Variants in HOOK1 observed in about 807,000 individuals in gnomAD.
HOOK1 encodes hook microtubule tethering protein 1.
Under a neutral mutation model 112.8 loss-of-function variants are expected in HOOK1, and 60 were observed. The observed-to-expected ratio is 0.53, with a 90% CI of 0.43 to 0.66. The LOEUF (loss-of-function observed/expected upper bound fraction) is 0.66, where lower values mean the gene tolerates loss of function less well. HOOK1 is among the 30% of genes least tolerant of loss of function. HOOK1 has a pLI of 0.00. For missense variants in HOOK1, 770 were observed against 856.0 expected (o/e 0.90, Z 1.25); for synonymous variants, 294 against 283.8 (o/e 1.04, Z -0.36).
chr1:59,847,135 T>C lies in HOOK1; in HGVS notation c.879T>C (p.Thr293=). The C allele has an allele frequency of 2.5e-6, 4 of 1,607,848 alleles. No homozygotes were observed. Among genetic ancestry groups the C allele is most frequent in the African/African-American group, 2.7e-5 (2 of 74,670 alleles). ...TCCAGCATAGGAATGATGAATTGACTAGTCTTGCAGAAGAAACAAGAGCCC... is the reference window on the plus strand; with the variant it reads ...TCCAGCATAGGAATGATGAATTGACCAGTCTTGCAGAAGAAACAAGAGCCC... ...IEFQHRNDEL[T]SLAEETRALK... The change falls in exon 10 of 22, where the codon ACT becomes ACC. Residue 293 remains threonine (T), a synonymous_variant. Coordinates refer to ENST00000371208, the MANE Select transcript of HOOK1 (RefSeq NM_015888.6).
At position 59,875,797 on chromosome 1, in the gene HOOK1, T is replaced by G. The variant is rs1644120256; in HGVS notation, c.*2832T>G. 6.6e-6 allele frequency: 1 copy of G among 152,242 alleles called. No individual in the cohort carries two copies. The highest frequency in any genetic ancestry group is 2.4e-5 in the African/African-American group (1 of 41,460). The allele number at this position is 152,242 out of a possible 1,614,324, so 9.4% of individuals were successfully genotyped here. On this transcript the variant is annotated 3_prime_UTR_variant, in exon 22 of 22. Transcript: ENST00000371208. ...GTATTGAGGAAAATTTGAAGTTTAT[T>G]TTTTCGATGAATAAGGCTGTCAAAT... is the stretch of plus-strand genomic sequence containing the variant.
chr1:59,858,909 G>A (rs1220937274), intron 13 of HOOK1, 76 bp from the exon 14 acceptor site: 2 of 668,204 alleles, frequency 3.0e-6, no homozygotes, highest in Non-Finnish European at 4.9e-6. Flanking sequence ...CAAAGAGAGG[G>A]AGGGGGGGAA....
intron 17 of HOOK1, chr1:59,864,935 T>G: frequency 1.8e-6 from 1 of 567,398 alleles, no homozygotes; most frequent in Non-Finnish European, 3.2e-6. Context: ...ATGTTAAACC[T>G]ATAAAATATT....
chr1:59,835,518 G>T, intron 6 of HOOK1, 106 bp downstream of exon 6: 1 of 692,388 alleles, frequency 1.4e-6, no homozygotes, highest in Non-Finnish European at 2.5e-6. Context: ...TTTGTTGTAA[G>T]TTTACTTCCC....
At chr1:59,860,647 T>C (rs1168280946) in intron 15 of HOOK1, among the ~76,000 whole-genome samples, 1 of 152,012 alleles carries the variant, frequency 6.6e-6, no homozygotes, top group East Asian at 1.9e-4. Flanking sequence ...TACAGTGGCG[T>C]GATCTTTGCT....
In HOOK1 at chr1:59,874,515, T is replaced by C. The variant is rs2102083783; in HGVS notation, c.*1550T>C. On this transcript the variant is annotated 3_prime_UTR_variant, in exon 22 of 22. Transcript: ENST00000371208. ...AGACCAGGGGTCTGCAAACTTTCTG[T>C]GAATGGACAAAGAGTAAATACTTTA... 6.6e-6 allele frequency: 1 copy of C among 152,284 alleles called. No individual in the cohort carries two copies. The highest frequency in any genetic ancestry group is 6.5e-5 in the Admixed American group (1 of 15,300). 9.4% of individuals were successfully genotyped at this position (152,284 alleles called of 1,614,324 possible).
chr1:59,838,378 TTC>T (rs2098399133), intron 7 of HOOK1, among the ~76,000 whole-genome samples: 1 of 152,094 alleles, frequency 6.6e-6, no homozygotes, highest in Non-Finnish European at 1.5e-5. Context: ...CTTTTTAATG[TTC>T]GCCATTCTAA....
chr1:59,817,722 C>T (rs1251890426), intron 1 of HOOK1, among the ~76,000 whole-genome samples: 1 of 152,162 alleles, frequency 6.6e-6, no homozygotes, highest in Admixed American at 6.5e-5. Context: ...TTCCGTCATT[C>T]AGGTCTTGGG....
chr1:59,836,831 C>T (rs768170789), intron 6 of HOOK1, 42 bp from the exon 7 acceptor site: 1 of 1,086,848 alleles, frequency 9.2e-7, no homozygotes. Flanking sequence ...ACTTCATAAA[C>T]ATCACATTGT....
intron 12 of HOOK1, among the ~76,000 whole-genome samples, chr1:59,850,511 T>C (rs2098406597): frequency 6.6e-6 from 1 of 151,538 alleles, no homozygotes; most frequent in South Asian, 2.1e-4. Context: ...TTAGCTCATA[T>C]ATTTAGTCTG....
intron 20 of HOOK1, among the ~76,000 whole-genome samples, chr1:59,869,770 T>G (rs11207529): frequency 6.6e-6 from 1 of 152,088 alleles, no homozygotes; most frequent in Non-Finnish European, 1.5e-5. Context: ...GTAGGGAGAT[T>G]TGTCTGAAGA....
At chr1:59,865,687 G>A (rs1006665417) in intron 18 of HOOK1, among the ~76,000 whole-genome samples, 185 bp from the exon 19 acceptor site, 2 of 152,084 alleles carry the variant, frequency 1.3e-5, no homozygotes, top group Admixed American at 6.6e-5. Context: ...GATTGAGAAT[G>A]TGTTGGTTGT....
At chr1:59,855,984 A>ATATATTTTT (rs2098410511) in intron 12 of HOOK1, among the ~76,000 whole-genome samples, 2 of 60,302 alleles carry the variant, frequency 3.3e-5, no homozygotes, top group African/African-American at 1.0e-4. Flanking sequence ...ATATATATAT[A>ATATATTTTT]TTTTTTTTTT....
intron 15 of HOOK1, among the ~76,000 whole-genome samples, chr1:59,862,562 T>TAGGC (rs2098414188): frequency 6.6e-6 from 1 of 152,184 alleles, no homozygotes; most frequent in South Asian, 2.1e-4. Flanking sequence ...ATTTTAAATG[T>TAGGC]AGGCATATAT....
At chr1:59,820,605 A>T (rs1464554646) in intron 1 of HOOK1, among the ~76,000 whole-genome samples, 1 of 152,170 alleles carries the variant, frequency 6.6e-6, no homozygotes, top group Non-Finnish European at 1.5e-5. Context: ...TCTTCCCTCT[A>T]GACCTTCCAT....
rs748288688 is a variant in HOOK1 at position 59,860,139 on chromosome 1, A to G, written c.1392-49A>G. 10 of 1,432,612 alleles carry G rather than the reference A, an allele frequency of 7.0e-6. No homozygotes were observed. In the African/African-American group the frequency reaches 1.3e-4, roughly 19 times the overall value. 88.7% of individuals were successfully genotyped at this position (1,432,612 alleles called of 1,614,324 possible). ...TTCCTTTTTTTAACTAAAGAATATA[A>G]TGACTCATATTTTTAAAAATTAAAA... On this transcript the variant is annotated intron_variant, in intron 14 of 21. Coordinates refer to ENST00000371208, the MANE Select transcript of HOOK1 (RefSeq NM_015888.6).
chr1:59,856,490 C>T (rs1414658886), intron 12 of HOOK1, among the ~76,000 whole-genome samples: 3 of 150,560 alleles, frequency 2.0e-5, no homozygotes, highest in South Asian at 2.1e-4. Flanking sequence ...TTTTTTTCAC[C>T]CTGTGTATAG....
intron 1 of HOOK1, 41 bp from the exon 2 acceptor site, chr1:59,821,817 T>C: frequency 7.4e-7 from 1 of 1,359,816 alleles, no homozygotes; most frequent in Middle Eastern, 1.9e-4. Flanking sequence ...ACCTTGTAGG[T>C]ATAAAGAAGC....
intron 7 of HOOK1, 127 bp from the exon 8 acceptor site, chr1:59,840,180 TA>T: frequency 2.2e-6 from 1 of 461,028 alleles, no homozygotes; most frequent in Non-Finnish European, 3.6e-6. Context: ...CATTTCTTAT[TA>T]GGTAAATTCA....
Sources: gnomAD v4.1 joint callset for allele counts (sites outside exome capture counted in the v4.1 genomes callset) on GRCh38, gnomAD v4.1.1 for gene constraint, MANE v1.5 for transcripts, NCBI Gene and HGNC (gene_info 2026-07-23, HGNC 2026-07-21) for gene names.